Variants in ARF4 observed in about 807,000 individuals in gnomAD.
ARF4 encodes ADP-ribosylation factor 4.
In ARF4, 5 loss-of-function variants were observed where a neutral mutation model predicts 24.3. The observed-to-expected ratio is 0.21, with a 90% CI of 0.11 to 0.43. The LOEUF is 0.43. Ranked by LOEUF, ARF4 falls within the 20% of genes least tolerant of loss-of-function variation. ARF4 has a pLI of 1.00. For missense variants in ARF4, 107 were observed against 213.0 expected (o/e 0.50, Z 3.10); for synonymous variants, 62 against 73.5 (o/e 0.84, Z 0.80).
intron 3 of ARF4, among the ~76,000 whole-genome samples, chr3:57,580,791 A>AT (rs2069961379): frequency 2.0e-5 from 3 of 147,872 alleles, no homozygotes; most frequent in Non-Finnish European, 4.5e-5. Context: ...TTTTTTTTTA[A>AT]ATGTAAAGAC....
chr3:57,595,472 GA>G (rs2070168606), intron 1 of ARF4, among the ~76,000 whole-genome samples: 1 of 152,086 alleles, frequency 6.6e-6, no homozygotes, highest in African/African-American at 2.4e-5. Context: ...CTTGACAAAG[GA>G]AATCTAAGAA....
chr3:57,590,208 C>T (rs986364305), intron 1 of ARF4, among the ~76,000 whole-genome samples: 11 of 151,610 alleles, frequency 7.3e-5, no homozygotes, highest in African/African-American at 2.4e-4. Flanking sequence ...AAATTGAGGC[C>T]GGGTGCAGTG....
intron 5 of ARF4, among the ~76,000 whole-genome samples, chr3:57,573,529 A>G (rs2153408305): frequency 6.6e-6 from 1 of 152,316 alleles, no homozygotes; most frequent in Non-Finnish European, 1.5e-5. Flanking sequence ...ATACCTTCAC[A>G]GCATGGAAAA....
At chr3:57,589,736 C>T (rs1182275492) in intron 1 of ARF4, among the ~76,000 whole-genome samples, 2 of 150,226 alleles carry the variant, frequency 1.3e-5, no homozygotes, top group East Asian at 4.0e-4. Context: ...AAACAAAAAA[C>T]CCAAAAAAAC....
Position 57,597,211 on chromosome 3 carries a change from G to T in ARF4, c.-71C>A. On this transcript the variant is annotated 5_prime_UTR_variant, in exon 1 of 6. Coordinates refer to ENST00000303436, the MANE Select transcript of ARF4 (RefSeq NM_001660.4). ...GCGACCCCGTGCTTTCTCCTTTCAAGCTCCCAGGCAAACTAAACGAGAGGG... is the reference window on the plus strand; with the variant it reads ...GCGACCCCGTGCTTTCTCCTTTCAATCTCCCAGGCAAACTAAACGAGAGGG... 6.9e-7 allele frequency: 1 copy of T among 1,447,482 alleles called. No individual in the cohort carries two copies. Among genetic ancestry groups the T allele is most frequent in the Non-Finnish European group, 9.6e-7 (1 of 1,039,426 alleles). The allele number at this position is 1,447,482 out of a possible 1,614,324, so 89.7% of individuals were successfully genotyped here.
intron 3 of ARF4, among the ~76,000 whole-genome samples, chr3:57,579,787 A>T (rs1031376779): frequency 6.6e-6 from 1 of 152,190 alleles, no homozygotes; most frequent in African/African-American, 2.4e-5. Context: ...ACCACCTGGA[A>T]AACCATCACT....
chr3:57,582,264 A>G (rs2069983169), intron 3 of ARF4, among the ~76,000 whole-genome samples: 1 of 150,578 alleles, frequency 6.6e-6, no homozygotes, highest in African/African-American at 2.4e-5. Context: ...TTTTTTTGAG[A>G]CAGAGTCTCG....
chr3:57,596,917 C>T (rs772617056), intron 1 of ARF4, 157 bp downstream of exon 1: 2 of 712,432 alleles, frequency 2.8e-6, no homozygotes, highest in Middle Eastern at 3.0e-4. Flanking sequence ...GCTCACCCTC[C>T]GCTCCATTGT....
intron 2 of ARF4, 38 bp from the exon 3 acceptor site, chr3:57,584,045 A>C: frequency 7.4e-7 from 1 of 1,360,066 alleles, no homozygotes; most frequent in Non-Finnish European, 1.0e-6. Context: ...GTGCAGCGTC[A>C]TTAAGAAAAT....
In ARF4 at chr3:57,597,270, G is replaced by A. The variant is rs545412266; in HGVS notation, c.-130C>T. 417 of 887,888 alleles carry A rather than the reference G, an allele frequency of 4.7e-4. 1 individual carries two copies. Among genetic ancestry groups the A allele is most frequent in the Middle Eastern group, 5.2e-4 (2 of 3,852 alleles). The allele number at this position is 887,888 out of a possible 1,614,324, so 55.0% of individuals were successfully genotyped here. A position where few individuals can be genotyped will look rare whatever the true frequency, so the allele number is the denominator to read the frequency against. ...GAGCGGAGGAAGAAAGAGGGAGGCAGAAACGTCTCAGTGGCCCCTGTGCCG... is the reference window on the plus strand; with the variant it reads ...GAGCGGAGGAAGAAAGAGGGAGGCAAAAACGTCTCAGTGGCCCCTGTGCCG... On this transcript the variant is annotated 5_prime_UTR_variant, in exon 1 of 6. Coordinates refer to ENST00000303436, the MANE Select transcript of ARF4 (RefSeq NM_001660.4).
intron 1 of ARF4, among the ~76,000 whole-genome samples, chr3:57,587,032 G>C (rs894245648): frequency 6.6e-6 from 1 of 151,938 alleles, no homozygotes; most frequent in Admixed American, 6.6e-5. Context: ...TTAAAAACAA[G>C]GTAAGGCCTG....
chr3:57,577,425 A>G lies in ARF4; in HGVS notation c.259-38T>C, dbSNP rs371672942. 7.4e-4 allele frequency: 1,131 copies of G among 1,524,014 alleles called. 16 individuals are homozygous for G. Among genetic ancestry groups the G allele is most frequent in the Non-Finnish European group, 1.3e-4 (141 of 1,098,330 alleles). The allele number at this position is 1,524,014 out of a possible 1,614,324, so 94.4% of individuals were successfully genotyped here. On this transcript the variant is annotated intron_variant, in intron 3 of 5. Transcript: ENST00000303436. ...TGTTTCAGTAAATTTTAACAGTTAA[A>G]CGACACTCTCTATATGAAACAGTGT...
chr3:57,578,814 G>A (rs958366267), intron 3 of ARF4, among the ~76,000 whole-genome samples: 4 of 151,878 alleles, frequency 2.6e-5, no homozygotes, highest in Admixed American at 2.0e-4. Flanking sequence ...ATAAATGGAA[G>A]GAATTAGGAA....
chr3:57,578,397 A>C lies in ARF4; in HGVS notation c.259-1010T>G, dbSNP rs181033602. Among the ~76,000 whole-genome samples, 15 of 151,692 alleles carry C rather than the reference A, an allele frequency of 9.9e-5. No individual in the cohort carries two copies. The East Asian group carries it at 2.9e-3, about 29-fold the overall frequency. On this transcript the variant is annotated intron_variant, in intron 3 of 5. Transcript: ENST00000303436. The stretch of plus-strand genomic sequence containing the variant: ...TGTCAAAACCCTATCTCTTAAAAAA[A>C]AAAAGAAAGAAAAATTCAAGATTTA...
chr3:57,597,253 GAAGA>G lies in ARF4; in HGVS notation c.-117_-114del. On this transcript the variant is annotated 5_prime_UTR_variant, in exon 1 of 6. Coordinates refer to ENST00000303436, the MANE Select transcript of ARF4 (RefSeq NM_001660.4). The stretch of plus-strand genomic sequence containing the variant: ...ACGAGAGGGAAGAGAAAGAGCGGAG[GAAGA>G]AAGAGGGAGGCAGAAACGTCTCAGT... 3 of 1,050,480 alleles carry G rather than the reference GAAGA, an allele frequency of 2.9e-6. No homozygotes were observed. Among genetic ancestry groups the G allele is most frequent in the South Asian group, 2.8e-5 (2 of 70,398 alleles). The allele number at this position is 1,050,480 out of a possible 1,614,324, so 65.1% of individuals were successfully genotyped here. A position where few individuals can be genotyped will look rare whatever the true frequency, so the allele number is the denominator to read the frequency against.
chr3:57,587,319 CAAAAAAAAAAAAA>C (rs56787111), intron 1 of ARF4, among the ~76,000 whole-genome samples: 1 of 45,408 alleles, frequency 2.2e-5, no homozygotes, highest in Non-Finnish European at 4.7e-5. Context: ...AACTCAGTCT[CAAAAAAAAAAAAA>C]AAAAAAAAAA....
rs572124873 is a variant in ARF4 at position 57,583,368 on chromosome 3, C to T, written c.258+530G>A. Among the ~76,000 whole-genome samples the T allele has an allele frequency of 2.0e-5, 3 of 152,274 alleles. No homozygotes were observed. In the East Asian group the frequency reaches 5.8e-4, roughly 29 times the overall value. ...TTCAAAGGTCCCCATGTGATTCTTA[C>T]GTGCCACCCCCAAATTTGAGAACTC... On this transcript the variant is annotated intron_variant, in intron 3 of 5. Coordinates refer to ENST00000303436, the MANE Select transcript of ARF4 (RefSeq NM_001660.4).
chr3:57,587,515 GATAGGAATTTTTTTTTACCC>G (rs1478814313), intron 1 of ARF4, among the ~76,000 whole-genome samples: 1 of 151,480 alleles, frequency 6.6e-6, no homozygotes, highest in Non-Finnish European at 1.5e-5. Context: ...CTCCTCTACT[GATAGGAATTTTTTTTTACCC>G]AAAAATCATG....
At position 57,574,842 on chromosome 3, in the gene ARF4, A is replaced by AC. The variant is rs372067338; in HGVS notation, c.456+705dup. Among the ~76,000 whole-genome samples the AC allele has an allele frequency of 4.7e-3, 712 of 150,298 alleles. 1 individual carries two copies. The highest frequency in any genetic ancestry group is 5.5e-3 in the African/African-American group (224 of 40,836). On this transcript the variant is annotated intron_variant, in intron 5 of 5. Coordinates refer to ENST00000303436, the MANE Select transcript of ARF4 (RefSeq NM_001660.4). ...AAGACCAGCCTAGCAACAAAGCGAG[A>AC]CCCCCCATCTCCACTTTTTTTTTGA...
Sources: gnomAD v4.1 joint callset for allele counts (sites outside exome capture counted in the v4.1 genomes callset) on GRCh38, gnomAD v4.1.1 for gene constraint, MANE v1.5 for transcripts, NCBI Gene and HGNC (gene_info 2026-07-23, HGNC 2026-07-21) for gene names.